Variants in SHROOM3 observed in about 807,000 individuals in gnomAD.
SHROOM3 encodes the protein shroom family member 3.
In SHROOM3, 47 loss-of-function variants were observed where a neutral mutation model predicts 138.6. The observed-to-expected ratio is 0.34, with a 90% CI of 0.27 to 0.43. SHROOM3 has a LOEUF of 0.43. Among genes scored for constraint, SHROOM3 ranks in the 20% least tolerant of loss-of-function variants. SHROOM3 has a pLI of 1.00. For missense variants in SHROOM3, 2,491 were observed against 2,596.5 expected (o/e 0.96, Z 0.88); for synonymous variants, 1,062 against 1,063.3 (o/e 1.00, Z 0.02).
chr4:76,774,220 GT>G (rs1430644461), intron 10 of SHROOM3, among the ~76,000 whole-genome samples: 20 of 152,202 alleles, frequency 1.3e-4, no homozygotes, highest in Admixed American at 1.3e-3. Flanking sequence ...GACTGGAGCA[GT>G]TTCTAGTTAG....
At chr4:76,625,194 C>T (rs1032319614) in intron 2 of SHROOM3, among the ~76,000 whole-genome samples, 1 of 152,204 alleles carries the variant, frequency 6.6e-6, no homozygotes, top group Non-Finnish European at 1.5e-5. Context: ...GTTACAGTTT[C>T]AGCTTCATCA....
intron 4 of SHROOM3, among the ~76,000 whole-genome samples, chr4:76,734,622 C>G (rs1200564960): frequency 6.6e-6 from 1 of 151,854 alleles, no homozygotes; most frequent in Admixed American, 6.6e-5. Context: ...GCGATCCTCC[C>G]GCCTCAGCCT....
intron 2 of SHROOM3, among the ~76,000 whole-genome samples, chr4:76,608,612 T>TAGCA (rs1734681510): frequency 2.4e-5 from 2 of 84,362 alleles, no homozygotes; most frequent in East Asian, 4.1e-4. Context: ...TAGCATAGCA[T>TAGCA]TGGACAGAGA....
chr4:76,544,748 C>T (rs1344619351), intron 1 of SHROOM3, among the ~76,000 whole-genome samples: 1 of 152,132 alleles, frequency 6.6e-6, no homozygotes, highest in East Asian at 1.9e-4. Context: ...GTTAACTATG[C>T]AATGGATTTG....
intron 9 of SHROOM3, 88 bp from the exon 10 acceptor site, chr4:76,770,538 G>A: frequency 1.3e-6 from 2 of 1,511,946 alleles, no homozygotes; most frequent in Non-Finnish European, 1.8e-6. Flanking sequence ...GAGCCTTGAA[G>A]ATGACAGAAG....
intron 1 of SHROOM3, among the ~76,000 whole-genome samples, chr4:76,548,302 A>G (rs1047104545): frequency 6.6e-6 from 1 of 152,152 alleles, no homozygotes. Flanking sequence ...TTTGGTACAG[A>G]GGGAGGACTG....
chr4:76,599,091 C>T (rs1734449871), intron 2 of SHROOM3, among the ~76,000 whole-genome samples: 1 of 152,118 alleles, frequency 6.6e-6, no homozygotes, highest in South Asian at 2.1e-4. Flanking sequence ...AGGAGGATGA[C>T]TCCTAGGGTT....
At chr4:76,610,958 CA>C (rs1303041464) in intron 2 of SHROOM3, among the ~76,000 whole-genome samples, 2 of 152,124 alleles carry the variant, frequency 1.3e-5, no homozygotes, top group Non-Finnish European at 2.9e-5. Context: ...GAAACTATTT[CA>C]CAACAATCTC....
chr4:76,541,260 A>G (rs986179517), intron 1 of SHROOM3, among the ~76,000 whole-genome samples: 2 of 152,212 alleles, frequency 1.3e-5, no homozygotes, highest in Non-Finnish European at 2.9e-5. Flanking sequence ...AACTGGAGCA[A>G]TTCAAAGGGT....
intron 2 of SHROOM3, among the ~76,000 whole-genome samples, chr4:76,658,749 C>T (rs1039048539): frequency 1.3e-5 from 2 of 151,980 alleles, no homozygotes; most frequent in Non-Finnish European, 2.9e-5. Flanking sequence ...AACATAGGTA[C>T]CTTTGGATGG....
intron 1 of SHROOM3, among the ~76,000 whole-genome samples, chr4:76,454,708 A>T (rs1412864235): frequency 6.6e-6 from 1 of 152,118 alleles, no homozygotes; most frequent in African/African-American, 2.4e-5. Flanking sequence ...AGTAAATGTC[A>T]TTGGGATTTT....
intron 2 of SHROOM3, among the ~76,000 whole-genome samples, chr4:76,612,654 G>A (rs973808623): frequency 6.6e-6 from 1 of 152,082 alleles, no homozygotes. Context: ...ACTTTAAAAA[G>A]TAGGCTGGGC....
At chr4:76,486,948 T>C (rs1731744229) in intron 1 of SHROOM3, among the ~76,000 whole-genome samples, 1 of 152,198 alleles carries the variant, frequency 6.6e-6, no homozygotes, top group Non-Finnish European at 1.5e-5. Flanking sequence ...ATTCACATAT[T>C]ATAAAGTTCA....
At chr4:76,523,287 G>A (rs1732608991) in intron 1 of SHROOM3, among the ~76,000 whole-genome samples, 1 of 152,112 alleles carries the variant, frequency 6.6e-6, no homozygotes, top group Admixed American at 6.6e-5. Context: ...GCCCATCCGA[G>A]TTCTATGTGA....
intron 2 of SHROOM3, among the ~76,000 whole-genome samples, chr4:76,592,704 T>C (rs1734299511): frequency 6.6e-6 from 1 of 152,206 alleles, no homozygotes; most frequent in Non-Finnish European, 1.5e-5. Flanking sequence ...GACAGGTGTA[T>C]TTTGAGACAT....
chr4:76,731,969 G>C (rs1027323981), intron 4 of SHROOM3, among the ~76,000 whole-genome samples: 3 of 152,088 alleles, frequency 2.0e-5, no homozygotes, highest in Non-Finnish European at 4.4e-5. Context: ...GTCAAGGTTT[G>C]GTCAGGAAGA....
intron 2 of SHROOM3, among the ~76,000 whole-genome samples, chr4:76,654,528 C>A (rs1387922555): frequency 2.0e-5 from 3 of 152,040 alleles, no homozygotes; most frequent in Non-Finnish European, 4.4e-5. Context: ...GGGGTTTCAC[C>A]ATGTTGCCCA....
At chr4:76,694,042 A>C (rs911549601) in intron 2 of SHROOM3, among the ~76,000 whole-genome samples, 2 of 152,170 alleles carry the variant, frequency 1.3e-5, no homozygotes, top group Non-Finnish European at 2.9e-5. Context: ...CTTTGGACAG[A>C]GTGGTAAATT....
At chr4:76,700,149 C>T (rs764428881) in intron 2 of SHROOM3, among the ~76,000 whole-genome samples, 2 of 152,202 alleles carry the variant, frequency 1.3e-5, no homozygotes, top group African/African-American at 4.8e-5. Flanking sequence ...AAGATTAAGA[C>T]TATGACATCA....
Sources: allele counts gnomAD v4.1 joint callset (sites outside exome capture counted in the v4.1 genomes callset), GRCh38; gene constraint gnomAD v4.1.1; transcripts MANE v1.5; gene names NCBI Gene and HGNC (gene_info 2026-07-23, HGNC 2026-07-21).